The following COL4A3 variants were observed in gnomAD, a reference collection of about 807,000 sequenced individuals.
COL4A3 encodes collagen type IV alpha 3 chain.
COL4A3 carries 135 observed loss-of-function variants against 217.4 expected under a neutral mutation model. That is an observed-to-expected ratio of 0.62 (90% CI 0.54 to 0.72). The LOEUF is 0.72. Among genes scored for constraint, COL4A3 ranks in the 30% least tolerant of loss-of-function variants. The pLI, the probability that COL4A3 is intolerant of heterozygous loss-of-function variation, is 0.00. For synonymous variants in COL4A3, 690 were observed against 736.3 expected (o/e 0.94, Z 1.02); for missense variants, 1,868 against 2,119.9 (o/e 0.88, Z 2.33).
chr2:227,246,819 A>C, intron 7 of COL4A3, 81 bp downstream of exon 7: 4 of 1,194,590 alleles, frequency 3.3e-6, no homozygotes, highest in Non-Finnish European at 5.0e-6. Context: ...ATATACACAA[A>C]TCCGTCATGA....
chr2:227,169,609 T>C (rs575834014), intron 1 of COL4A3, among the ~76,000 whole-genome samples: 45 of 152,300 alleles, frequency 3.0e-4, no homozygotes, highest in African/African-American at 1.1e-3. Flanking sequence ...GGTATCTCAT[T>C]GTGGTTTTGA....
At chr2:227,248,097 G>A (rs1018505669) in intron 8 of COL4A3, among the ~76,000 whole-genome samples, 6 of 151,986 alleles carry the variant, frequency 3.9e-5, no homozygotes, top group East Asian at 1.9e-4. Flanking sequence ...ATGCCACCAC[G>A]CCCAGCTAAT....
chr2:227,237,945 C>A (rs201895540), intron 1 of COL4A3, 23 bp from the exon 2 acceptor site: 44 of 1,589,600 alleles, frequency 2.8e-5, no homozygotes, highest in Non-Finnish European at 3.5e-5. Flanking sequence ...TAAACAAAAC[C>A]CTTTCTCTTT....
chr2:227,204,676 A>G (rs1251736329), intron 1 of COL4A3, among the ~76,000 whole-genome samples: 1 of 152,206 alleles, frequency 6.6e-6, no homozygotes, highest in Non-Finnish European at 1.5e-5. Flanking sequence ...CCAAGTAGCC[A>G]GGGATTTTCA....
chr2:227,172,869 G>A (rs933200124), intron 1 of COL4A3, among the ~76,000 whole-genome samples: 1 of 152,126 alleles, frequency 6.6e-6, no homozygotes, highest in Non-Finnish European at 1.5e-5. Flanking sequence ...TTACAGGCGT[G>A]AGGCACAGTG....
intron 1 of COL4A3, among the ~76,000 whole-genome samples, chr2:227,220,471 C>G (rs1474385914): frequency 2.0e-5 from 3 of 151,884 alleles, no homozygotes; most frequent in Admixed American, 1.3e-4. Flanking sequence ...GCGTGAGCCA[C>G]TGTGCCCAAC....
intron 47 of COL4A3, among the ~76,000 whole-genome samples, chr2:227,306,567 G>A (rs777729210): frequency 6.6e-6 from 1 of 152,118 alleles, no homozygotes; most frequent in Non-Finnish European, 1.5e-5. Flanking sequence ...CATCAGACCG[G>A]AGAATTTGGA....
Position 227,240,236 on chromosome 2 carries a change from T to A in COL4A3, c.234+4T>A. The A allele has an allele frequency of 6.2e-7, 1 of 1,606,748 alleles. No individual in the cohort carries two copies. Among genetic ancestry groups the A allele is most frequent in the Non-Finnish European group, 8.5e-7 (1 of 1,176,588 alleles). On this transcript the variant is annotated splice_donor_region_variant and intron_variant, in intron 3 of 51. Coordinates refer to ENST00000396578, the MANE Select transcript of COL4A3 (RefSeq NM_000091.5). ...GCCTGGACCGCAGGGACCCAAGGTA[T>A]GTCATCCTGCAAGCTTGGAAAATCC... is the stretch of plus-strand genomic sequence containing the variant.
chr2:227,295,231 T>A, intron 40 of COL4A3, 38 bp from the exon 41 acceptor site: 1 of 1,605,818 alleles, frequency 6.2e-7, no homozygotes, highest in African/African-American at 1.3e-5. Flanking sequence ...TGTAATGAAA[T>A]TGACCAATTA....
intron 1 of COL4A3, among the ~76,000 whole-genome samples, chr2:227,206,158 C>A (rs1034272574): frequency 6.6e-6 from 1 of 152,044 alleles, no homozygotes; most frequent in African/African-American, 2.4e-5. Context: ...ACTGCAGCCT[C>A]CACCAAGCAG....
intron 1 of COL4A3, 84 bp from the exon 2 acceptor site, chr2:227,237,884 G>C (rs1389058421): frequency 1.0e-6 from 1 of 975,666 alleles, no homozygotes; most frequent in Non-Finnish European, 1.7e-6. Flanking sequence ...TCGAAGAACA[G>C]AGAAATGCAT....
At chr2:227,239,952 TAAC>T (rs2068924491) in intron 2 of COL4A3, among the ~76,000 whole-genome samples, 188 bp from the exon 3 acceptor site, 1 of 152,214 alleles carries the variant, frequency 6.6e-6, no homozygotes, top group African/African-American at 2.4e-5. Context: ...AGACAAATAC[TAAC>T]AACTGGTAGC....
intron 1 of COL4A3, among the ~76,000 whole-genome samples, chr2:227,218,479 A>C (rs2067623417): frequency 6.6e-6 from 1 of 152,168 alleles, no homozygotes; most frequent in Admixed American, 6.5e-5. Flanking sequence ...AGAAGAAAAG[A>C]AAAAATGTCG....
intron 1 of COL4A3, among the ~76,000 whole-genome samples, chr2:227,175,462 C>A (rs2065642916): frequency 6.6e-6 from 1 of 152,050 alleles, no homozygotes; most frequent in Admixed American, 6.5e-5. Flanking sequence ...CAGAGCAAGA[C>A]TCCATCTCAA....
In COL4A3 at chr2:227,309,301, G is replaced by A; in HGVS notation, c.4738G>A (p.Gly1580Arg). Residue 1580 changes from glycine (G) to arginine (R), a missense_variant, in exon 50 of 52, where the codon GGA becomes AGA. Transcript: ENST00000396578. The stretch of plus-strand genomic sequence containing the variant: ...TCACGGCTGGATTTCTCTCTGGAAA[G>A]GATTTTCATTCATCATGGTGAGGAG... ...CPHGWISLWK[G>R]FSFIMFTSAG... The A allele has an allele frequency of 6.2e-7, 1 of 1,613,860 alleles. No individual in the cohort carries two copies. The highest frequency in any genetic ancestry group is 8.5e-7 in the Non-Finnish European group (1 of 1,179,834).
In COL4A3 at chr2:227,282,732, C is replaced by G. The variant is rs776228387; in HGVS notation, c.2656+200C>G. On this transcript the variant is annotated intron_variant, in intron 32 of 51. Coordinates refer to ENST00000396578, the MANE Select transcript of COL4A3 (RefSeq NM_000091.5). This position sits in a 1 kb window ranked among gnomAD's most constrained non-coding sequence, Gnocchi z 4.4. ...GGATGAACAATTACCCAGAATGTGG[C>G]TATTTTTGCTGTGTAATCCTTTTTA... 3.3e-5 allele frequency among the ~76,000 whole-genome samples: 5 copies of G among 152,130 alleles called. No individual in the cohort carries two copies. Among genetic ancestry groups the G allele is most frequent in the Non-Finnish European group, 7.4e-5 (5 of 68,008 alleles).
chr2:227,285,277 T>TAAA (rs764697409), intron 34 of COL4A3, among the ~76,000 whole-genome samples: 7,262 of 72,296 alleles, frequency 0.1, 921 homozygotes, highest in Non-Finnish European at 0.13. Flanking sequence ...CTGCCAAACC[T>TAAA]AAAAAAAAAA....
intron 5 of COL4A3, 40 bp downstream of exon 5, chr2:227,245,035 G>C (rs1195252125): frequency 1.3e-6 from 2 of 1,571,640 alleles, no homozygotes; most frequent in Admixed American, 1.7e-5. Context: ...AAATTTAAAA[G>C]TAAGCTCATT....
chr2:227,284,808 A>G (rs2072214320), intron 34 of COL4A3, among the ~76,000 whole-genome samples: 1 of 152,220 alleles, frequency 6.6e-6, no homozygotes, highest in South Asian at 2.1e-4. Flanking sequence ...CCTTTGGAGA[A>G]TAATTACTAA....
Sources: allele counts gnomAD v4.1 joint callset (sites outside exome capture counted in the v4.1 genomes callset), GRCh38; gene constraint gnomAD v4.1.1; non-coding constraint Gnocchi (gnomAD v3.1); transcripts MANE v1.5; gene names NCBI Gene and HGNC (gene_info 2026-07-23, HGNC 2026-07-21).